The following MIAT variants were observed in gnomAD, a reference collection of about 807,000 sequenced individuals.
MIAT encodes the protein myocardial infarction associated transcript, also known as MI related novel mRNA.
intron 2 of MIAT, among the ~76,000 whole-genome samples, chr22:26,648,497 A>G (rs1328645355): frequency 6.6e-6 from 1 of 151,208 alleles, no homozygotes; most frequent in Non-Finnish European, 1.5e-5. Context: ...TGTGTGCACC[A>G]TAAAATACAG....
Position 26,666,108 on chromosome 22 carries a change from T to C in MIAT, n.1307T>C, listed in dbSNP as rs1602366526. ...GAGCTCATCTCCAGTTCTGGACTCGTGCCCCCACTCCCGGGTGCTGACAGC... is the reference window on the plus strand; with the variant it reads ...GAGCTCATCTCCAGTTCTGGACTCGCGCCCCCACTCCCGGGTGCTGACAGC... On this transcript the variant is annotated non_coding_transcript_exon_variant, in exon 4 of 6. Transcript: ENST00000643270. The C allele has an allele frequency of 6.5e-5, 26 of 398,566 alleles. No homozygotes were observed. The East Asian group carries it at 9.3e-4, about 14-fold the overall frequency. The allele number at this position is 398,566 out of a possible 1,614,324, so 24.7% of individuals were successfully genotyped here. A position where few individuals can be genotyped will look rare whatever the true frequency, so the allele number is the denominator to read the frequency against.
At chr22:26,668,837 C>T (rs1334926920) in exon 6 of MIAT, 1 of 398,694 alleles carries the variant, frequency 2.5e-6, no homozygotes, top group Non-Finnish European at 4.4e-6. Context: ...AGCCTTCCCC[C>T]TGTGCTGTTG....
chr22:26,673,240 C>T (rs562419676), downstream of MIAT: 229 of 398,874 alleles, frequency 5.7e-4, no homozygotes, highest in Non-Finnish European at 5.7e-4. Flanking sequence ...GTCACTGCCT[C>T]AGCCAGCCTC....
At chr22:26,651,132 T>C (rs973717375) in intron 2 of MIAT, among the ~76,000 whole-genome samples, 1 of 152,204 alleles carries the variant, frequency 6.6e-6, no homozygotes, top group African/African-American at 2.4e-5. Flanking sequence ...GGCACATTCT[T>C]TCTGGGCCAT....
intron 2 of MIAT, among the ~76,000 whole-genome samples, chr22:26,655,415 C>T (rs1395928570): frequency 2.0e-5 from 3 of 152,150 alleles, no homozygotes; most frequent in Non-Finnish European, 2.9e-5. Flanking sequence ...CCTCTCTGAG[C>T]CTCTTTATGT....
chr22:26,650,416 A>T (rs1010636258), intron 2 of MIAT: 22 of 152,180 alleles, frequency 1.4e-4, no homozygotes, highest in African/African-American at 4.6e-4. Flanking sequence ...TATCCTCTTT[A>T]ATGTACCTAT....
chr22:26,666,587 C>G (rs1308577132), exon 4 of MIAT: 4 of 398,560 alleles, frequency 1.0e-5, no homozygotes, highest in Admixed American at 8.8e-5. Flanking sequence ...TATCACCAAG[C>G]TGCTGAGTTT....
chr22:26,674,650 G>A (rs867466372), downstream of MIAT: 6 of 398,758 alleles, frequency 1.5e-5, no homozygotes, highest in Non-Finnish European at 2.2e-5. Flanking sequence ...GAGAAAAGAT[G>A]TCTTAGAAAG....
chr22:26,660,532 GTTACAT>G (rs1930627956), intron 2 of MIAT, among the ~76,000 whole-genome samples: 1 of 151,112 alleles, frequency 6.6e-6, no homozygotes, highest in Non-Finnish European at 1.5e-5. Flanking sequence ...CTTTTGAAAA[GTTACAT>G]CAGATGTGTT....
intron 2 of MIAT, among the ~76,000 whole-genome samples, chr22:26,662,760 A>G (rs943685845): frequency 5.9e-5 from 9 of 152,180 alleles, no homozygotes; most frequent in Non-Finnish European, 1.0e-4. Context: ...AGAGTCAGGG[A>G]AAAAGACCAA....
intron 2 of MIAT, among the ~76,000 whole-genome samples, chr22:26,654,303 A>T (rs924200194): frequency 3.3e-5 from 5 of 152,282 alleles, no homozygotes; most frequent in African/African-American, 1.2e-4. Context: ...GCTCATCCTT[A>T]AGAAGCCCCA....
At chr22:26,664,231 C>T (rs1309051971) in intron 3 of MIAT, among the ~76,000 whole-genome samples, 2 of 151,988 alleles carry the variant, frequency 1.3e-5, no homozygotes, top group Non-Finnish European at 2.9e-5. Flanking sequence ...AGGCTGGTCT[C>T]GAACTCCTGA....
intron 2 of MIAT, among the ~76,000 whole-genome samples, chr22:26,661,937 T>TTTATCTATATAGATCC (rs1555948788): frequency 2.6e-5 from 1 of 38,118 alleles, no homozygotes; most frequent in Non-Finnish European, 5.5e-5. Flanking sequence ...TATATATATA[T>TTTATCTATATAGATCC]ATATATATAT....
downstream of MIAT, chr22:26,672,297 G>A: frequency 2.5e-6 from 1 of 399,148 alleles, no homozygotes; most frequent in Non-Finnish European, 4.4e-6. Context: ...ATGACCTGGG[G>A]CTACTGGCCC....
At chr22:26,672,067 G>T (rs1052211650), downstream of MIAT, 3 of 399,262 alleles carry the variant, frequency 7.5e-6, no homozygotes, top group African/African-American at 2.1e-5. Flanking sequence ...TGCCTCAACT[G>T]CACCCCGATC....
At chr22:26,665,824 G>A (rs1366343847) in exon 4 of MIAT, 1 of 398,482 alleles carries the variant, frequency 2.5e-6, no homozygotes, top group East Asian at 3.6e-5. Flanking sequence ...CTTCACATTT[G>A]GCGTTAGGGC....
downstream of MIAT, chr22:26,672,726 GC>G (rs1931096709): frequency 2.5e-6 from 1 of 398,970 alleles, no homozygotes; most frequent in South Asian, 1.3e-4. Context: ...TAGCAGAGGG[GC>G]GTGTCCCACA....
At chr22:26,675,576 T>G (rs1160415160) in exon 5 of MIAT, 1 of 398,610 alleles carries the variant, frequency 2.5e-6, no homozygotes, top group African/African-American at 2.1e-5. Context: ...AATCCATACA[T>G]GTCTACCCCA....
chr22:26,674,155 C>T (rs776003797), downstream of MIAT: 5 of 398,518 alleles, frequency 1.3e-5, no homozygotes, highest in African/African-American at 4.1e-5. Flanking sequence ...GGTTATAACT[C>T]CGTCAGTCAT....
Sources: gnomAD v4.1 joint callset for allele counts (sites outside exome capture counted in the v4.1 genomes callset) on GRCh38, gnomAD v4.1.1 for gene constraint, MANE v1.5 for transcripts, NCBI Gene and HGNC (gene_info 2026-07-23, HGNC 2026-07-21) for gene names.